Variants in ATP2B2 observed in about 807,000 individuals in gnomAD.
The protein encoded by ATP2B2 is plasma membrane calcium-transporting ATPase 2.
ATP2B2 carries 15 observed loss-of-function variants against 120.0 expected under a neutral mutation model. That is an observed-to-expected ratio of 0.12 (90% CI 0.08 to 0.19). The LOEUF (loss-of-function observed/expected upper bound fraction) is 0.19, where lower values mean the gene tolerates loss of function less well. Among genes scored for constraint, ATP2B2 ranks in the 10% least tolerant of loss-of-function variants. ATP2B2 has a pLI of 1.00. For missense variants in ATP2B2, 1,045 were observed against 1,719.8 expected, an observed-to-expected ratio of 0.61 and a Z score of 6.94; for synonymous variants, 694 against 700.3, an observed-to-expected ratio of 0.99 and a Z score of 0.14.
chr3:10,378,206 G>T (rs750733768), intron 10 of ATP2B2, 46 bp downstream of exon 10: 4 of 1,590,398 alleles, frequency 2.5e-6, no homozygotes, highest in Non-Finnish European at 3.4e-6. Flanking sequence ...TCTGCCTGGG[G>T]TCCCCCTGTG....
At chr3:10,634,587 G>A (rs1385091194) in intron 1 of ATP2B2, among the ~76,000 whole-genome samples, 1 of 152,206 alleles carries the variant, frequency 6.6e-6, no homozygotes, top group East Asian at 1.9e-4. Flanking sequence ...TTTTGGGGTC[G>A]CTGTGACATA....
intron 1 of ATP2B2, among the ~76,000 whole-genome samples, chr3:10,479,013 C>T (rs762664427): frequency 2.0e-5 from 3 of 152,156 alleles, no homozygotes; most frequent in Non-Finnish European, 4.4e-5. Flanking sequence ...TGCCTTGCTT[C>T]CCCTTTGCCT....
intron 1 of ATP2B2, chr3:10,626,836 T>C (rs1165045261): frequency 6.6e-6 from 1 of 151,236 alleles, no homozygotes; most frequent in Non-Finnish European, 1.5e-5. Flanking sequence ...AATGGTGATA[T>C]TTCAGTTACC....
chr3:10,622,380 CACT>C (rs1473356055), intron 1 of ATP2B2, among the ~76,000 whole-genome samples: 1 of 152,136 alleles, frequency 6.6e-6, no homozygotes, highest in Admixed American at 6.5e-5. Context: ...TGGATGTCAC[CACT>C]GTTAAAATTT....
At position 10,367,132 on chromosome 3, in the gene ATP2B2, C is replaced by G. The variant is rs533036811; in HGVS notation, c.1659+4677G>C. On this transcript the variant is annotated intron_variant, in intron 12 of 22. Transcript: ENST00000360273. ...GCTTATTTGCTACCACTGGCTCCCC[C>G]CATTTCTCCCAGCCTCACCTCTTGT... 2.0e-5 allele frequency among the ~76,000 whole-genome samples: 3 copies of G among 152,274 alleles called. No individual in the cohort carries two copies. In the East Asian group the frequency reaches 5.8e-4, roughly 29 times the overall value.
chr3:10,695,346 A>G (rs577329940), intron 1 of ATP2B2, among the ~76,000 whole-genome samples: 2 of 151,426 alleles, frequency 1.3e-5, no homozygotes, highest in East Asian at 2.0e-4. Context: ...CTTATTCACT[A>G]TCATGAGAAC....
intron 3 of ATP2B2, among the ~76,000 whole-genome samples, chr3:10,522,240 T>A (rs1260855616): frequency 6.6e-6 from 1 of 152,202 alleles, no homozygotes; most frequent in East Asian, 1.9e-4. Context: ...TGAGGAGGCT[T>A]CCTTTTCAGT....
intron 2 of ATP2B2, among the ~76,000 whole-genome samples, chr3:10,424,021 C>T (rs933335172): frequency 1.3e-5 from 2 of 152,186 alleles, no homozygotes; most frequent in African/African-American, 4.8e-5. Flanking sequence ...GGTGTCTTCT[C>T]ACTGTTCTGT....
intron 2 of ATP2B2, among the ~76,000 whole-genome samples, chr3:10,430,718 G>A (rs1013425666): frequency 3.3e-5 from 5 of 151,482 alleles, no homozygotes; most frequent in Admixed American, 6.6e-5. Context: ...CCCCCTACTT[G>A]GTTAGAACTT....
At chr3:10,359,351 A>G (rs896186034) in intron 13 of ATP2B2, among the ~76,000 whole-genome samples, 1 of 152,140 alleles carries the variant, frequency 6.6e-6, no homozygotes, top group Admixed American at 6.5e-5. Flanking sequence ...AACACTCCTC[A>G]GAGTGATTCC....
chr3:10,695,251 GGA>G (rs140200422), intron 1 of ATP2B2, among the ~76,000 whole-genome samples: 10,129 of 126,598 alleles, frequency 0.08, 438 homozygotes, highest in South Asian at 0.26. Flanking sequence ...AGGGAGGGAG[GGA>G]GAGAGAGAGA....
chr3:10,555,538 G>A (rs2067759774), intron 2 of ATP2B2, among the ~76,000 whole-genome samples: 1 of 152,202 alleles, frequency 6.6e-6, no homozygotes, highest in African/African-American at 2.4e-5. Flanking sequence ...CCTTGATGTT[G>A]GTGCTAAGGG....
At chr3:10,583,575 T>G (rs983280227) in intron 2 of ATP2B2, among the ~76,000 whole-genome samples, 11 of 152,176 alleles carry the variant, frequency 7.2e-5, no homozygotes, top group African/African-American at 2.2e-4. Context: ...ATCTCTCATT[T>G]GAGGTGGCTG....
At chr3:10,557,039 C>A (rs1324329159) in intron 2 of ATP2B2, among the ~76,000 whole-genome samples, 2 of 152,140 alleles carry the variant, frequency 1.3e-5, no homozygotes, top group African/African-American at 4.8e-5. Context: ...GGTGGTGAAG[C>A]CCCCAGACTG....
chr3:10,339,800 A>G (rs2060224205), intron 21 of ATP2B2, among the ~76,000 whole-genome samples: 1 of 152,180 alleles, frequency 6.6e-6, no homozygotes, highest in Non-Finnish European at 1.5e-5. Flanking sequence ...CCACTGATTC[A>G]TCTCCCTTCC....
intron 1 of ATP2B2, among the ~76,000 whole-genome samples, chr3:10,694,065 C>A (rs920909251): frequency 1.3e-5 from 2 of 152,194 alleles, no homozygotes; most frequent in Admixed American, 6.5e-5. Context: ...TAGCCTCCCC[C>A]AAAGTTAACA....
At chr3:10,535,206 A>T (rs1348207348) in intron 2 of ATP2B2, among the ~76,000 whole-genome samples, 1 of 152,064 alleles carries the variant, frequency 6.6e-6, no homozygotes, top group African/African-American at 2.4e-5. Flanking sequence ...CCCCAGCCCT[A>T]TTTGTAACTT....
chr3:10,599,725 T>C (rs990599219), intron 2 of ATP2B2, among the ~76,000 whole-genome samples: 8 of 147,162 alleles, frequency 5.4e-5, no homozygotes. Flanking sequence ...CAACCGTGAC[T>C]GAGTACGTGA....
chr3:10,594,629 A>C (rs1485279660), intron 2 of ATP2B2, among the ~76,000 whole-genome samples: 1 of 151,684 alleles, frequency 6.6e-6, no homozygotes, highest in African/African-American at 2.4e-5. Flanking sequence ...TGACGAGTTA[A>C]TGGGTGCAGC....
Sources: gnomAD v4.1 joint callset for allele counts (sites outside exome capture counted in the v4.1 genomes callset) on GRCh38, gnomAD v4.1.1 for gene constraint, MANE v1.5 for transcripts, NCBI Gene and HGNC (gene_info 2026-07-23, HGNC 2026-07-21) for gene names.